VWA5B1: variants seen among roughly 807,000 people sequenced by gnomAD.
VWA5B1 encodes the protein von Willebrand factor A domain containing 5B1, also known as von Willebrand factor A domain-containing protein 5B1.
In VWA5B1, 115 loss-of-function variants were observed where a neutral mutation model predicts 118.2. That is an observed-to-expected ratio of 0.97 (90% CI 0.84 to 1.14). The LOEUF (loss-of-function observed/expected upper bound fraction) is 1.14, where lower values mean the gene tolerates loss of function less well. Among genes scored for constraint, VWA5B1 ranks in the 50% most tolerant of loss-of-function variants. VWA5B1 has a pLI of 0.00. For synonymous variants in VWA5B1, 682 were observed against 658.4 expected (o/e 1.04, Z -0.55); for missense variants, 1,596 against 1,603.8 (o/e 1.00, Z 0.08).
intron 11 of VWA5B1, among the ~76,000 whole-genome samples, chr1:20,332,290 G>GT (rs1439331932): frequency 6.6e-6 from 1 of 151,894 alleles, no homozygotes; most frequent in Non-Finnish European, 1.5e-5. Flanking sequence ...GACCAGCCTG[G>GT]CCAATTTGGT....
rs1266864560 is a variant in VWA5B1 at position 20,318,605 on chromosome 1, C to T, written c.725C>T (p.Thr242Ile). 6.4e-7 allele frequency: 1 copy of T among 1,551,482 alleles called. No individual in the cohort carries two copies. ...TGCCACTCAGGGGTGGAGAGTCCCA[C>T]TCATGAGATTCGTGCCGACGCCGCC... ...PCLLAGVESPTHEIRADAAPS... is the reference protein window; with the variant it reads ...PCLLAGVESPIHEIRADAAPS... Residue 242 changes from threonine (T) to isoleucine (I), a missense_variant, in exon 6 of 22, where the codon ACT becomes ATT. Thr to Ile is a moderately conservative substitution (Grantham distance 89). Transcript: ENST00000289815.
chr1:20,325,431 C>A (rs1373912816), intron 8 of VWA5B1, among the ~76,000 whole-genome samples: 1 of 152,184 alleles, frequency 6.6e-6, no homozygotes, highest in Non-Finnish European at 1.5e-5. Flanking sequence ...TCCCTCCGCT[C>A]CCCTCCCTCT....
rs940008634 is a variant in VWA5B1, at chr1:20,318,384, G to A, written c.710-206G>A. 5 of 688,540 alleles carry A rather than the reference G, an allele frequency of 7.3e-6. No individual in the cohort carries two copies. In the East Asian group the frequency reaches 1.4e-4, roughly 19 times the overall value. 42.7% of individuals were successfully genotyped at this position (688,540 alleles called of 1,614,324 possible). A position where few individuals can be genotyped will look rare whatever the true frequency, so the allele number is the denominator to read the frequency against. ...CTAGATCCTGAGTTCAGAGCAGGAA[G>A]AGTCATCAGACACCATCTATCTAAG... On this transcript the variant is annotated intron_variant, in intron 5 of 21. Transcript: ENST00000289815.
At chr1:20,310,312 G>A (rs150064056) in intron 1 of VWA5B1, among the ~76,000 whole-genome samples, 5 of 152,262 alleles carry the variant, frequency 3.3e-5, no homozygotes, top group African/African-American at 9.6e-5. Flanking sequence ...GTGCGCCAAC[G>A]CTTTGAGTGA....
chr1:20,348,343 TC>T lies in VWA5B1; in HGVS notation c.2864del (p.Ser955TrpfsTer44). On this transcript the variant is annotated frameshift_variant, in exon 18 of 22. Transcript: ENST00000289815. LOFTEE classifies it high-confidence loss of function. The part of the protein sequence containing the change: ...GRPQTMLGED[S>X]APGNDMEASP... The stretch of plus-strand genomic sequence containing the variant: ...GCCGCAGACGATGCTTGGAGAAGAT[TC>T]GGCACCAGGAAATGGTAAATTTCAG... The T allele has an allele frequency of 6.4e-7, 1 of 1,551,636 alleles. No homozygotes were observed. The highest frequency in any genetic ancestry group is 8.7e-7 in the Non-Finnish European group (1 of 1,147,016).
intron 7 of VWA5B1, 71 bp from the exon 8 acceptor site, chr1:20,323,285 G>C: frequency 2.3e-6 from 3 of 1,317,402 alleles, no homozygotes; most frequent in Non-Finnish European, 2.0e-6. Context: ...TGAGTGACGG[G>C]GACCAGCATG....
At chr1:20,337,580 G>T in intron 13 of VWA5B1, 66 bp from the exon 14 acceptor site, 2 of 1,468,400 alleles carry the variant, frequency 1.4e-6, no homozygotes, top group Non-Finnish European at 1.8e-6. Flanking sequence ...ACAGGAAAGG[G>T]GATGCAAGCC....
At chr1:20,315,208 C>T (rs980777285) in intron 4 of VWA5B1, among the ~76,000 whole-genome samples, 20 of 152,082 alleles carry the variant, frequency 1.3e-4, no homozygotes, top group Non-Finnish European at 1.9e-4. Context: ...TTCTCGTGGG[C>T]GAAAGCAGCA....
chr1:20,337,713 A>G lies in VWA5B1; in HGVS notation c.2010A>G (p.Pro670=). The change falls in exon 14 of 22, where the codon CCA becomes CCG. Residue 670 remains proline, a synonymous_variant. Transcript: ENST00000289815. The part of the protein sequence containing the change: ...TNQITNHKPL[P]RATMASDPMP... The stretch of plus-strand genomic sequence containing the variant: ...AGATCACCAATCACAAGCCCCTCCC[A>G]AGAGCCACCATGGCAAGTGACCCCA... 6.4e-7 allele frequency: 1 copy of G among 1,551,702 alleles called. No homozygotes were observed. Among genetic ancestry groups the G allele is most frequent in the Non-Finnish European group, 8.7e-7 (1 of 1,146,994 alleles).
At chr1:20,293,215 G>C (rs1255369677) in intron 1 of VWA5B1, among the ~76,000 whole-genome samples, 1 of 152,188 alleles carries the variant, frequency 6.6e-6, no homozygotes, top group Non-Finnish European at 1.5e-5. Context: ...GGCCCAGAGG[G>C]AAGAAGCACT....
chr1:20,324,407 G>A (rs1313880598), intron 8 of VWA5B1, among the ~76,000 whole-genome samples: 2 of 152,030 alleles, frequency 1.3e-5, no homozygotes, highest in African/African-American at 4.8e-5. Flanking sequence ...GGTCTCCATT[G>A]TGGCATTATC....
Position 20,353,948 on chromosome 1 carries a change from CT to C in VWA5B1, c.3334del (p.Cys1112ValfsTer106), listed in dbSNP as rs1404735556. The C allele has an allele frequency of 1.0e-5, 16 of 1,551,408 alleles. No homozygotes were observed. The highest frequency in any genetic ancestry group is 1.4e-5 in the Non-Finnish European group (16 of 1,146,846). On this transcript the variant is annotated frameshift_variant, in exon 22 of 22. Coordinates refer to ENST00000289815, the MANE Select transcript of VWA5B1 (RefSeq NM_001039500.3). LOFTEE classifies it high-confidence loss of function. Reference protein sequence around the residue: ...CTSSPPRHPSCDSFSLEPLAK... With the variant: ...CTSSPPRHPSXDSFSLEPLAK... ...CCAGCTCCCCGCCTAGGCACCCGTC[CT>C]GTGACAGCTTCTCCCTGGAGCCTCT...
At chr1:20,294,004 C>G (rs1211965500) in intron 1 of VWA5B1, among the ~76,000 whole-genome samples, 1 of 152,118 alleles carries the variant, frequency 6.6e-6, no homozygotes, top group African/African-American at 2.4e-5. Context: ...AATGAACAGA[C>G]AAGAAAGGGT....
intron 7 of VWA5B1, among the ~76,000 whole-genome samples, chr1:20,321,598 A>C (rs1032719413): frequency 6.6e-6 from 1 of 152,228 alleles, no homozygotes; most frequent in African/African-American, 2.4e-5. Flanking sequence ...AAATAAAAAT[A>C]AAAAAGCAAA....
intron 8 of VWA5B1, among the ~76,000 whole-genome samples, chr1:20,327,552 T>C (rs2089421868): frequency 6.6e-6 from 1 of 152,062 alleles, no homozygotes; most frequent in African/African-American, 2.4e-5. Flanking sequence ...CCTCTCAGGA[T>C]CAGGAAGAGG....
At chr1:20,305,003 T>A (rs2088606814) in intron 1 of VWA5B1, among the ~76,000 whole-genome samples, 1 of 152,124 alleles carries the variant, frequency 6.6e-6, no homozygotes, top group Non-Finnish European at 1.5e-5. Flanking sequence ...GCTATGTGCC[T>A]GGCACTACTC....
chr1:20,320,867 C>G (rs1433638047), intron 7 of VWA5B1, among the ~76,000 whole-genome samples: 1 of 152,128 alleles, frequency 6.6e-6, no homozygotes, highest in African/African-American at 2.4e-5. Context: ...CTGCTTCTGC[C>G]TAGGGCTCTG....
chr1:20,343,070 T>C lies in VWA5B1; in HGVS notation c.2312-9T>C. The C allele has an allele frequency of 6.7e-7, 1 of 1,501,188 alleles. No homozygotes were observed. Among genetic ancestry groups the C allele is most frequent in the South Asian group, 1.3e-5 (1 of 77,364 alleles). 93.0% of individuals were successfully genotyped at this position (1,501,188 alleles called of 1,614,324 possible). ...TCAGCGCTTGGCCCACTTGTCCCTC[T>C]GCCCGCAGAGCCGTCCCACCATCCC... is the stretch of plus-strand genomic sequence containing the variant. On this transcript the variant is annotated splice_polypyrimidine_tract_variant and intron_variant, in intron 15 of 21. Coordinates refer to ENST00000289815, the MANE Select transcript of VWA5B1 (RefSeq NM_001039500.3).
chr1:20,330,880 T>C lies in VWA5B1; in HGVS notation c.1469T>C (p.Phe490Ser), dbSNP rs2089531559. ...TCCCTTTCCGCCAGGTGCTATAGCT[T>C]TGGAATTGGACCCAACGTCTGCCAC... ...NHAFSTRCYS[F>S]GIGPNVCHRL... is the part of the protein sequence containing the mutation. The change falls in exon 11 of 22, where the codon TTT (phenylalanine) becomes TCT (serine). Residue 490 changes from phenylalanine to serine, a missense_variant. Physicochemically the swap from Phe to Ser is radical, Grantham distance 155. Coordinates refer to ENST00000289815, the MANE Select transcript of VWA5B1 (RefSeq NM_001039500.3). The C allele has an allele frequency of 2.6e-6, 4 of 1,551,592 alleles. No individual in the cohort carries two copies. In the South Asian group the frequency reaches 4.8e-5, roughly 18 times the overall value.
Sources: gnomAD v4.1 joint callset for allele counts (sites outside exome capture counted in the v4.1 genomes callset) on GRCh38, gnomAD v4.1.1 for gene constraint, MANE v1.5 for transcripts, NCBI Gene and HGNC (gene_info 2026-07-23, HGNC 2026-07-21) for gene names.